ASCC3: variants seen among roughly 807,000 people sequenced by gnomAD.
The protein encoded by ASCC3 is ASC-1 complex subunit P200.
A neutral mutation model predicts 256.3 loss-of-function variants in ASCC3; 158 were observed. That is an observed-to-expected ratio of 0.62 (90% CI 0.54 to 0.70). The LOEUF (loss-of-function observed/expected upper bound fraction) is 0.70, where lower values mean the gene tolerates loss of function less well. ASCC3 is among the 30% of genes least tolerant of loss of function. ASCC3 has a pLI of 0.00. For missense variants in ASCC3, 2,259 were observed against 2,626.0 expected, an observed-to-expected ratio of 0.86 and a Z score of 3.05; for synonymous variants, 948 against 883.4, an observed-to-expected ratio of 1.07 and a Z score of -1.30.
intron 36 of ASCC3, among the ~76,000 whole-genome samples, chr6:100,567,529 T>C (rs1033018020): frequency 4.6e-5 from 7 of 152,178 alleles, no homozygotes; most frequent in Non-Finnish European, 8.8e-5. Flanking sequence ...GTACTGAACA[T>C]AGTACCTAAC....
chr6:100,581,660 T>C (rs956213952), intron 36 of ASCC3, among the ~76,000 whole-genome samples: 13 of 152,324 alleles, frequency 8.5e-5, no homozygotes, highest in Admixed American at 4.6e-4. Context: ...TCCTTGCCCA[T>C]GGCTATGTCC....
Position 100,828,152 on chromosome 6 carries a change from T to C in ASCC3, c.801+19996A>G, listed in dbSNP as rs536625900. On this transcript the variant is annotated intron_variant, in intron 4 of 41. Transcript: ENST00000369162. Reference sequence around the variant, plus strand: ...TGAAAAAACAATTTAGTAACTCATATTAATAATTATTTCATAATAGCAACA... The same window carrying C: ...TGAAAAAACAATTTAGTAACTCATACTAATAATTATTTCATAATAGCAACA... 4.0e-5 allele frequency among the ~76,000 whole-genome samples: 6 copies of C among 150,168 alleles called. No homozygotes were observed. In the South Asian group the frequency reaches 1.3e-3, roughly 31 times the overall value.
chr6:100,697,725 T>C (rs1778159833), intron 13 of ASCC3, among the ~76,000 whole-genome samples: 1 of 152,036 alleles, frequency 6.6e-6, no homozygotes, highest in Non-Finnish European at 1.5e-5. Flanking sequence ...TTCCCATCAA[T>C]ATGACAATTG....
intron 10 of ASCC3, among the ~76,000 whole-genome samples, chr6:100,736,621 T>C (rs141825782): frequency 4.0e-4 from 61 of 152,314 alleles, no homozygotes; most frequent in African/African-American, 1.2e-3. Context: ...TAAATGTGTA[T>C]AAAAGCAAAG....
intron 40 of ASCC3, among the ~76,000 whole-genome samples, chr6:100,511,360 G>A (rs1773754127): frequency 6.6e-6 from 1 of 152,176 alleles, no homozygotes; most frequent in African/African-American, 2.4e-5. Flanking sequence ...GGAGGTTGCA[G>A]GGAGCTGATG....
chr6:100,787,102 A>G (rs1034603865), intron 8 of ASCC3, among the ~76,000 whole-genome samples: 1 of 152,004 alleles, frequency 6.6e-6, no homozygotes, highest in African/African-American at 2.4e-5. Context: ...TTTCCCCTCA[A>G]GCATAGTGGG....
chr6:100,859,437 A>C (rs3734352), intron 3 of ASCC3, among the ~76,000 whole-genome samples: 1 of 152,074 alleles, frequency 6.6e-6, no homozygotes, highest in Non-Finnish European at 1.5e-5. Flanking sequence ...AATTTTCAAA[A>C]TAACTGTCAC....
At chr6:100,792,304 T>A (rs1217251250) in intron 8 of ASCC3, among the ~76,000 whole-genome samples, 1 of 151,966 alleles carries the variant, frequency 6.6e-6, no homozygotes, top group Non-Finnish European at 1.5e-5. Context: ...ATACAATACA[T>A]CTGAATAATT....
intron 11 of ASCC3, among the ~76,000 whole-genome samples, chr6:100,719,088 G>A (rs1186886719): frequency 6.6e-6 from 1 of 152,120 alleles, no homozygotes; most frequent in East Asian, 1.9e-4. Flanking sequence ...GACCTAATCT[G>A]TAGGCACTAG....
In ASCC3 at chr6:100,606,835, G is replaced by T; in HGVS notation, c.4949C>A (p.Ala1650Asp). 6.2e-7 allele frequency: 1 copy of T among 1,611,980 alleles called. No homozygotes were observed. The highest frequency in any genetic ancestry group is 8.5e-7 in the Non-Finnish European group (1 of 1,179,040). Reference sequence around the variant, plus strand: ...ATGAGCTGGAAAGTTTACACCCCAGGCTAATGTGCTTGTAGCAATAAGAAC... The same window carrying T: ...ATGAGCTGGAAAGTTTACACCCCAGTCTAATGTGCTTGTAGCAATAAGAAC... Reference protein sequence around the residue: ...VQVLIATSTLAWGVNFPAHLV... With the variant: ...VQVLIATSTLDWGVNFPAHLV... The change falls in exon 32 of 42, where the codon GCC becomes GAC. Residue 1650 changes from alanine to aspartate, a missense_variant. Ala to Asp is a moderately radical substitution (Grantham distance 126). Transcript: ENST00000369162.
intron 8 of ASCC3, among the ~76,000 whole-genome samples, chr6:100,789,782 A>C (rs1039086826): frequency 1.3e-5 from 2 of 151,980 alleles, no homozygotes; most frequent in Admixed American, 1.3e-4. Flanking sequence ...GCTGTGTAAC[A>C]AAACATGATA....
intron 37 of ASCC3, chr6:100,530,284 G>A: frequency 1.4e-6 from 2 of 1,400,700 alleles, no homozygotes; most frequent in South Asian, 1.2e-5. Flanking sequence ...ACATGAACAA[G>A]TTGAAATCAT....
intron 13 of ASCC3, among the ~76,000 whole-genome samples, chr6:100,711,595 T>C (rs1778854591): frequency 6.6e-6 from 1 of 152,076 alleles, no homozygotes; most frequent in South Asian, 2.1e-4. Flanking sequence ...CCGGGTGTGG[T>C]GGTACATGCC....
At chr6:100,560,321 G>A (rs1345506335) in intron 36 of ASCC3, among the ~76,000 whole-genome samples, 1 of 152,126 alleles carries the variant, frequency 6.6e-6, no homozygotes, top group Non-Finnish European at 1.5e-5. Context: ...AGTACCAGAT[G>A]TCAGGGAAGA....
intron 11 of ASCC3, among the ~76,000 whole-genome samples, chr6:100,719,939 A>G (rs985477649): frequency 6.6e-6 from 1 of 151,880 alleles, no homozygotes; most frequent in Non-Finnish European, 1.5e-5. Context: ...TCTCCCAATC[A>G]TGCCAAGTGT....
Position 100,755,771 on chromosome 6 carries a change from T to C in ASCC3, c.1737+10794A>G, listed in dbSNP as rs530917956. 1.4e-4 allele frequency among the ~76,000 whole-genome samples: 22 copies of C among 152,202 alleles called. No homozygotes were observed. In the South Asian group the frequency reaches 4.1e-3, roughly 29 times the overall value. ...CAGACAAAACAAAGACCTCCCAGAA[T>C]CATAAAATTAAATAAGCTTTTGGTT... On this transcript the variant is annotated intron_variant, in intron 10 of 41. Coordinates refer to ENST00000369162, the MANE Select transcript of ASCC3 (RefSeq NM_006828.4).
chr6:100,856,458 T>C (rs1461912767), intron 3 of ASCC3: 1 of 919,434 alleles, frequency 1.1e-6, no homozygotes, highest in African/African-American at 1.8e-5. Context: ...TTATTTAATC[T>C]ATGTAATATA....
chr6:100,708,846 G>T (rs981016229), intron 13 of ASCC3, among the ~76,000 whole-genome samples: 8 of 151,950 alleles, frequency 5.3e-5, no homozygotes, highest in Admixed American at 6.6e-5. Flanking sequence ...ATGCAAGAAA[G>T]AATAGATTTT....
chr6:100,694,866 A>T (rs1778010088), intron 13 of ASCC3, among the ~76,000 whole-genome samples: 1 of 152,174 alleles, frequency 6.6e-6, no homozygotes, highest in Non-Finnish European at 1.5e-5. Context: ...TCATCAAAAG[A>T]TGCTAAAATG....
Sources: gnomAD v4.1 joint callset for allele counts (sites outside exome capture counted in the v4.1 genomes callset) on GRCh38, gnomAD v4.1.1 for gene constraint, MANE v1.5 for transcripts, NCBI Gene and HGNC (gene_info 2026-07-23, HGNC 2026-07-21) for gene names.